Variants in SMARCAL1 observed in about 807,000 individuals in gnomAD.
SMARCAL1 encodes the protein ATP-driven annealing helicase.
A neutral mutation model predicts 94.5 loss-of-function variants in SMARCAL1; 58 were observed. That is an observed-to-expected ratio of 0.61 (90% CI 0.50 to 0.76). The LOEUF (loss-of-function observed/expected upper bound fraction) is 0.76, where lower values mean the gene tolerates loss of function less well. SMARCAL1 is among the 30% of genes least tolerant of loss of function. The pLI is 0.00. For missense variants in SMARCAL1, 1,051 were observed against 1,177.9 expected (o/e 0.89, Z 1.58); for synonymous variants, 422 against 455.1 (o/e 0.93, Z 0.93).
chr2:216,475,183 T>A lies in SMARCAL1; in HGVS notation c.2245-86T>A. On this transcript the variant is annotated intron_variant, in intron 14 of 17. Transcript: ENST00000357276. The surrounding 1 kb of genome is among the most constrained non-coding windows in gnomAD (Gnocchi z 4.4). ...GGCCTCTGCTGAGCTGGAACCTGGT[T>A]CTGTGCTGGAGCTGTGGCTGGGTGT... is the stretch of plus-strand genomic sequence containing the variant. The A allele has an allele frequency of 7.2e-7, 1 of 1,397,938 alleles. No homozygotes were observed. The highest frequency in any genetic ancestry group is 1.0e-6 in the Non-Finnish European group (1 of 991,542). 86.6% of individuals were successfully genotyped at this position (1,397,938 alleles called of 1,614,324 possible).
chr2:216,467,470 C>CAAA (rs34678979), intron 13 of SMARCAL1, among the ~76,000 whole-genome samples: 66 of 47,608 alleles, frequency 1.4e-3, no homozygotes, highest in African/African-American at 2.9e-3. Flanking sequence ...AACTCAGTCT[C>CAAA]AAAAAAAAAA....
At chr2:216,461,090 G>A (rs1574474492) in intron 12 of SMARCAL1, among the ~76,000 whole-genome samples, 1 of 144,258 alleles carries the variant, frequency 6.9e-6, no homozygotes, top group South Asian at 2.2e-4. Flanking sequence ...GTGTGTGTGT[G>A]TATGTGTGTG....
At chr2:216,433,598 G>C (rs571363790) in intron 8 of SMARCAL1, among the ~76,000 whole-genome samples, 1 of 152,276 alleles carries the variant, frequency 6.6e-6, no homozygotes, top group Non-Finnish European at 1.5e-5. Context: ...GTAGAGGGGG[G>C]AGTGAGTGGG....
At chr2:216,450,128 G>A (rs548640298) in intron 11 of SMARCAL1, among the ~76,000 whole-genome samples, 124 of 152,306 alleles carry the variant, frequency 8.1e-4, no homozygotes, top group Non-Finnish European at 1.4e-3. Flanking sequence ...GGGATTACAG[G>A]CGTGAGCCAC....
rs1387796277 is a variant in SMARCAL1, at chr2:216,435,492, T to C, written c.1640T>C (p.Ile547Thr). The change falls in exon 9 of 18, where the codon ATC (isoleucine) becomes ACC (threonine). Residue 547 changes from isoleucine to threonine, a missense_variant. By Grantham distance (89) the Ile-to-Thr change is moderately conservative. Transcript: ENST00000357276. ...KQLKTPFKVV[I>T]IDESHFLKNS... The stretch of plus-strand genomic sequence containing the variant: ...CTAAAAACCCCTTTTAAAGTTGTCA[T>C]CATTGTAAGAAACTTGGCAAAGTCT... The C allele has an allele frequency of 3.7e-6, 6 of 1,613,976 alleles. No homozygotes were observed. Among genetic ancestry groups the C allele is most frequent in the Non-Finnish European group, 3.4e-6 (4 of 1,179,924 alleles).
At chr2:216,414,526 A>T (rs980794930) in intron 2 of SMARCAL1, 121 bp from the exon 3 acceptor site, 6 of 632,270 alleles carry the variant, frequency 9.5e-6, no homozygotes, top group African/African-American at 1.8e-5. Flanking sequence ...AGAAACTTTA[A>T]TACATCCTTT....
At chr2:216,437,718 T>C (rs1159276963) in intron 9 of SMARCAL1, among the ~76,000 whole-genome samples, 1 of 152,092 alleles carries the variant, frequency 6.6e-6, no homozygotes, top group East Asian at 1.9e-4. Flanking sequence ...CATTTGGCTT[T>C]AGAAAATATG....
chr2:216,480,850 A>G (rs1695178736), intron 17 of SMARCAL1, among the ~76,000 whole-genome samples: 1 of 152,204 alleles, frequency 6.6e-6, no homozygotes, highest in African/African-American at 2.4e-5. Context: ...CAAAGACATG[A>G]CCAAAAAAAT....
chr2:216,413,571 G>A (rs1212605892), intron 1 of SMARCAL1, among the ~76,000 whole-genome samples: 3 of 152,102 alleles, frequency 2.0e-5, no homozygotes, highest in Admixed American at 2.0e-4. Flanking sequence ...ATTGATGGCT[G>A]GTAAGATTAC....
At chr2:216,417,606 C>T (rs867013987) in intron 4 of SMARCAL1, among the ~76,000 whole-genome samples, 1 of 152,228 alleles carries the variant, frequency 6.6e-6, no homozygotes, top group South Asian at 2.1e-4. Context: ...CATATACAAT[C>T]ACATTCTGAG....
chr2:216,461,388 T>C (rs1344167924), intron 12 of SMARCAL1, among the ~76,000 whole-genome samples: 1 of 151,856 alleles, frequency 6.6e-6, no homozygotes, highest in Non-Finnish European at 1.5e-5. Context: ...TGTATCTGCA[T>C]ATAAATATAT....
At chr2:216,440,297 T>G (rs927173047) in intron 10 of SMARCAL1, among the ~76,000 whole-genome samples, 1 of 152,184 alleles carries the variant, frequency 6.6e-6, no homozygotes, top group African/African-American at 2.4e-5. Flanking sequence ...AATAGATAGA[T>G]TCTATCATTA....
chr2:216,472,735 A>G (rs1237801201), intron 14 of SMARCAL1, among the ~76,000 whole-genome samples: 2 of 152,010 alleles, frequency 1.3e-5, no homozygotes, highest in African/African-American at 4.8e-5. Context: ...CAATTAAAAG[A>G]TAACGAAAAC....
At chr2:216,444,866 A>G (rs1000789917) in intron 10 of SMARCAL1, among the ~76,000 whole-genome samples, 6 of 152,094 alleles carry the variant, frequency 3.9e-5, no homozygotes, top group Non-Finnish European at 7.4e-5. Context: ...CAATTACGAC[A>G]TTGAATTCTC....
intron 14 of SMARCAL1, among the ~76,000 whole-genome samples, chr2:216,471,356 A>T (rs1016172688): frequency 2.1e-5 from 3 of 143,240 alleles, no homozygotes; most frequent in Admixed American, 7.0e-5. Flanking sequence ...CAGTGATTAA[A>T]TTTTTTTTTT....
intron 1 of SMARCAL1, among the ~76,000 whole-genome samples, chr2:216,413,195 G>T (rs1412680052): frequency 6.6e-6 from 1 of 152,194 alleles, no homozygotes; most frequent in African/African-American, 2.4e-5. Flanking sequence ...AGCCCCAGCA[G>T]GGAAGGAAGG....
chr2:216,415,884 A>AT, intron 3 of SMARCAL1: 1 of 384,518 alleles, frequency 2.6e-6, no homozygotes, highest in Admixed American at 4.0e-5. Flanking sequence ...TGACAGGCCC[A>AT]GTTTCATTGG....
rs538878002 is a variant in SMARCAL1 at position 216,426,670 on chromosome 2, G to A, written c.1148-1926G>A. ...AGAAATAAGAGTAAAATTGCCATCT[G>A]CCTTTGTAAAATGACCCATTATGGA... On this transcript the variant is annotated intron_variant, in intron 6 of 17. Coordinates refer to ENST00000357276, the MANE Select transcript of SMARCAL1 (RefSeq NM_014140.4). Among the ~76,000 whole-genome samples, 9 of 152,296 alleles carry A rather than the reference G, an allele frequency of 5.9e-5. No homozygotes were observed. In the South Asian group the frequency reaches 1.9e-3, roughly 32 times the overall value.
chr2:216,468,068 C>G, intron 14 of SMARCAL1, 22 bp downstream of exon 14: 1 of 1,536,268 alleles, frequency 6.5e-7, no homozygotes, highest in African/African-American at 1.4e-5. Context: ...TTGAAATTCA[C>G]CATGGGCTAC....
Sources: allele counts gnomAD v4.1 joint callset (sites outside exome capture counted in the v4.1 genomes callset), GRCh38; gene constraint gnomAD v4.1.1; non-coding constraint Gnocchi (gnomAD v3.1); transcripts MANE v1.5; gene names NCBI Gene and HGNC (gene_info 2026-07-23, HGNC 2026-07-21).